Variants in PSMC2 observed in about 807,000 individuals in gnomAD.
PSMC2 encodes 26S proteasome regulatory subunit 7.
In PSMC2, 7 loss-of-function variants were observed where a neutral mutation model predicts 53.3. The observed-to-expected ratio is 0.13, with a 90% CI of 0.07 to 0.25. PSMC2 has a LOEUF of 0.25. Ranked by LOEUF, PSMC2 falls within the 10% of genes least tolerant of loss-of-function variation. PSMC2 has a pLI of 1.00. For missense variants in PSMC2, 241 were observed against 544.0 expected (o/e 0.44, Z 5.54); for synonymous variants, 169 against 183.9 (o/e 0.92, Z 0.66).
At chr7:103,348,859 AT>A in intron 1 of PSMC2, 1 of 555,594 alleles carries the variant, frequency 1.8e-6, no homozygotes, top group Non-Finnish European at 3.3e-6. Context: ...ATTTAAAAAA[AT>A]GAATAATCTT....
chr7:103,352,649 C>T (rs1367560470), intron 1 of PSMC2: 2 of 516,338 alleles, frequency 3.9e-6, no homozygotes, highest in African/African-American at 3.9e-5. Context: ...AAGCAATCCG[C>T]CTGTCTCGGC....
chr7:103,367,985 A>G lies in PSMC2; in HGVS notation c.1233A>G (p.Glu411=). 6.2e-7 allele frequency: 1 copy of G among 1,614,148 alleles called. No homozygotes were observed. Among genetic ancestry groups the G allele is most frequent in the Non-Finnish European group, 8.5e-7 (1 of 1,180,008 alleles). ...RKIATEKDFL[E]AVNKVIKSYA... ...TTGCTACCGAGAAGGATTTCTTGGA[A>G]GCTGTAAATAAGGTCATTAAGTCTT... The change falls in exon 12 of 12, where the codon GAA becomes GAG. Residue 411 remains glutamate (E), a synonymous_variant. Coordinates refer to ENST00000292644, the MANE Select transcript of PSMC2 (RefSeq NM_002803.4). The surrounding 1 kb of genome is among the most constrained non-coding windows in gnomAD (Gnocchi z 6.1).
intron 8 of PSMC2, 41 bp downstream of exon 8, chr7:103,364,348 A>G: frequency 1.2e-6 from 2 of 1,601,994 alleles, no homozygotes; most frequent in Middle Eastern, 1.7e-4. Context: ...CTTGTGAAAG[A>G]TTTTACAGTA....
intron 1 of PSMC2, chr7:103,348,866 A>C: frequency 5.7e-6 from 3 of 529,240 alleles, no homozygotes; most frequent in Non-Finnish European, 3.5e-6. Context: ...AAAATGAATA[A>C]TCTTGTTTAT....
At position 103,354,755 on chromosome 7, in the gene PSMC2, G is replaced by A. The variant is rs1819936710; in HGVS notation, c.109-113G>A. On this transcript the variant is annotated intron_variant, in intron 2 of 11. Coordinates refer to ENST00000292644, the MANE Select transcript of PSMC2 (RefSeq NM_002803.4). The stretch of plus-strand genomic sequence containing the variant: ...TCAGGAATACCTCTCTACTTCACAA[G>A]CTTTGGGATAATGATAGCTATTGAA... 6 of 676,808 alleles carry A rather than the reference G, an allele frequency of 8.9e-6. No individual in the cohort carries two copies. In the Admixed American group the frequency reaches 1.3e-4, roughly 14 times the overall value. 41.9% of individuals were successfully genotyped at this position (676,808 alleles called of 1,614,324 possible). A position where few individuals can be genotyped will look rare whatever the true frequency, so the allele number is the denominator to read the frequency against.
intron 8 of PSMC2, among the ~76,000 whole-genome samples, chr7:103,364,537 G>A (rs531273066): frequency 4.6e-5 from 7 of 152,180 alleles, no homozygotes; most frequent in African/African-American, 9.6e-5. Flanking sequence ...AGCCTCTCAG[G>A]TAGCTGAGAC....
chr7:103,365,536 T>C (rs1586174475), intron 8 of PSMC2, among the ~76,000 whole-genome samples: 1 of 151,932 alleles, frequency 6.6e-6, no homozygotes, highest in East Asian at 1.9e-4. Flanking sequence ...GGCCGAGGCA[T>C]GAGAATCGCT....
intron 7 of PSMC2, 70 bp downstream of exon 7, chr7:103,363,509 T>G (rs1032931463): frequency 1.5e-5 from 20 of 1,340,198 alleles, no homozygotes; most frequent in Non-Finnish European, 1.9e-5. Flanking sequence ...GCACTAAAAT[T>G]GCTTGTATAT....
chr7:103,349,304 T>TA lies in PSMC2; in HGVS notation c.70+1524dup, dbSNP rs145123547. On this transcript the variant is annotated intron_variant, in intron 1 of 11. Coordinates refer to ENST00000292644, the MANE Select transcript of PSMC2 (RefSeq NM_002803.4). ...TATACTCAGTATTTATTGGAAAACT[T>TA]AGACACAGAGATTTATCATTTGATC... is the stretch of plus-strand genomic sequence containing the variant. Among the ~76,000 whole-genome samples the TA allele has an allele frequency of 2.9e-3, 438 of 152,312 alleles. 1 individual carries two copies. The highest frequency in any genetic ancestry group is 9.8e-3 in the African/African-American group (409 of 41,554).
chr7:103,362,123 C>A, intron 5 of PSMC2, 35 bp downstream of exon 5: 1 of 1,609,588 alleles, frequency 6.2e-7, no homozygotes, highest in Non-Finnish European at 8.5e-7. Flanking sequence ...ACTTTTCTTT[C>A]ACTAAGGATA....
chr7:103,352,664 G>A lies in PSMC2; in HGVS notation c.71-1257G>A, dbSNP rs1340550116. ...AAGCAATCCGCCTGTCTCGGCCTGG[G>A]ATTACAAGTGTGAGCCACAGCATCC... is the stretch of plus-strand genomic sequence containing the variant. On this transcript the variant is annotated intron_variant, in intron 1 of 11. Coordinates refer to ENST00000292644, the MANE Select transcript of PSMC2 (RefSeq NM_002803.4). 4 of 550,568 alleles carry A rather than the reference G, an allele frequency of 7.3e-6. No homozygotes were observed. The East Asian group carries it at 9.8e-5, about 13-fold the overall frequency. The allele number at this position is 550,568 out of a possible 1,614,324, so 34.1% of individuals were successfully genotyped here. A position where few individuals can be genotyped will look rare whatever the true frequency, so the allele number is the denominator to read the frequency against.
intron 1 of PSMC2, 83 bp from the exon 2 acceptor site, chr7:103,353,838 C>T: frequency 1.7e-6 from 2 of 1,182,720 alleles, no homozygotes; most frequent in Non-Finnish European, 1.2e-6. Flanking sequence ...TTGAATCGAA[C>T]AGAAAAAAAG....
chr7:103,362,020 T>C lies in PSMC2; in HGVS notation c.354T>C (p.Phe118=), dbSNP rs138047874. ...DPKYIINVKQ[F]AKFVVDLSDQ... ...AATACATTATCAACGTAAAGCAGTT[T>C]GCCAAGTTTGTGGTGGACCTTAGTG... The change falls in exon 5 of 12, where the codon TTT becomes TTC. Residue 118 remains phenylalanine, a synonymous_variant. Transcript: ENST00000292644. 1.0e-4 allele frequency: 166 copies of C among 1,613,984 alleles called. No individual in the cohort carries two copies. The African/African-American group carries it at 2.1e-3, about 20-fold the overall frequency.
chr7:103,362,213 T>C (rs1437604943), intron 5 of PSMC2, 125 bp downstream of exon 5: 20 of 1,487,254 alleles, frequency 1.3e-5, no homozygotes, highest in Admixed American at 2.8e-5. Context: ...GATCTAGTAA[T>C]GTACTATAGT....
chr7:103,354,762 G>A (rs1819937328), intron 2 of PSMC2, 106 bp from the exon 3 acceptor site: 1 of 702,094 alleles, frequency 1.4e-6, no homozygotes, highest in Non-Finnish European at 2.5e-6. Context: ...CAAGCTTTGG[G>A]ATAATGATAG....
intron 1 of PSMC2, chr7:103,352,979 A>G: frequency 1.3e-6 from 1 of 780,216 alleles, no homozygotes; most frequent in Non-Finnish European, 2.4e-6. Flanking sequence ...TAAATTTTTT[A>G]CCACTCTGTC....
chr7:103,362,793 T>TA, intron 6 of PSMC2, 35 bp downstream of exon 6: 189 of 1,291,926 alleles, frequency 1.5e-4, no homozygotes, highest in Non-Finnish European at 1.8e-4. Context: ...GAAGGCTATG[T>TA]CTTTTTTTTT....
rs1375081915 is a variant in PSMC2 at position 103,367,044 on chromosome 7, A to AT, written c.845-365dup. 1.3e-5 allele frequency among the ~76,000 whole-genome samples: 2 copies of AT among 152,138 alleles called. No individual in the cohort carries two copies. The highest frequency in any genetic ancestry group is 6.6e-5 in the Admixed American group (1 of 15,260). ...GGTCTCGAACTCCTGAGGACAAGTT[A>AT]TTTTAACTAATCTCTGAGCCTCAGT... On this transcript the variant is annotated intron_variant, in intron 9 of 11. Coordinates refer to ENST00000292644, the MANE Select transcript of PSMC2 (RefSeq NM_002803.4). This position sits in a 1 kb window ranked among gnomAD's most constrained non-coding sequence, Gnocchi z 6.1.
intron 1 of PSMC2, chr7:103,348,478 A>G (rs1042782413): frequency 7.3e-5 from 42 of 571,786 alleles, no homozygotes; most frequent in Non-Finnish European, 1.3e-4. Context: ...CTGCATCTGC[A>G]TAGTATCCTG....
Sources: gnomAD v4.1 joint callset for allele counts (sites outside exome capture counted in the v4.1 genomes callset) on GRCh38, gnomAD v4.1.1 for gene constraint, Gnocchi (gnomAD v3.1) non-coding constraint, MANE v1.5 for transcripts, NCBI Gene and HGNC (gene_info 2026-07-23, HGNC 2026-07-21) for gene names.